PLXDC2: variants seen among roughly 807,000 people sequenced by gnomAD.
PLXDC2 encodes the protein plexin domain-containing protein 2.
A neutral mutation model predicts 68.9 loss-of-function variants in PLXDC2; 40 were observed. That is an observed-to-expected ratio of 0.58 (90% CI 0.45 to 0.76). The LOEUF (loss-of-function observed/expected upper bound fraction) is 0.76. Ranked by LOEUF, PLXDC2 falls within the 30% of genes least tolerant of loss-of-function variation. The pLI, the probability that PLXDC2 is intolerant of heterozygous loss-of-function variation, is 0.00. For synonymous variants in PLXDC2, 243 were observed against 234.2 expected, an observed-to-expected ratio of 1.04 and a Z score of -0.34; for missense variants, 644 against 661.9, an observed-to-expected ratio of 0.97 and a Z score of 0.30.
chr10:19,877,938 G>T (rs1207625374), intron 1 of PLXDC2, among the ~76,000 whole-genome samples: 1 of 152,146 alleles, frequency 6.6e-6, no homozygotes, highest in Non-Finnish European at 1.5e-5. Context: ...AAGTGCCTTG[G>T]TGAGGCTTTA....
intron 1 of PLXDC2, among the ~76,000 whole-genome samples, chr10:19,914,895 C>T (rs1833337714): frequency 6.6e-6 from 1 of 152,148 alleles, no homozygotes; most frequent in Admixed American, 6.5e-5. Flanking sequence ...GGTCTGAAGT[C>T]TACTTTATGT....
intron 4 of PLXDC2, among the ~76,000 whole-genome samples, chr10:20,112,543 G>A (rs544736526): frequency 4.6e-5 from 7 of 152,126 alleles, no homozygotes; most frequent in African/African-American, 1.7e-4. Flanking sequence ...GGCATATTTA[G>A]TGACCTTTTT....
chr10:20,132,399 T>C (rs138995372), intron 4 of PLXDC2, among the ~76,000 whole-genome samples: 5 of 152,218 alleles, frequency 3.3e-5, no homozygotes, highest in Admixed American at 2.6e-4. Context: ...TGTATACTTA[T>C]GGATTGTTTT....
At chr10:20,145,790 T>C (rs1453000739) in intron 5 of PLXDC2, among the ~76,000 whole-genome samples, 3 of 152,104 alleles carry the variant, frequency 2.0e-5, no homozygotes, top group Admixed American at 6.6e-5. Context: ...CCTGACCTCG[T>C]GATCCGCCTG....
intron 1 of PLXDC2, among the ~76,000 whole-genome samples, chr10:19,948,958 T>C (rs1297335090): frequency 6.6e-6 from 1 of 151,680 alleles, no homozygotes; most frequent in Admixed American, 6.6e-5. Context: ...GGTGAAACCC[T>C]GTCTTTACTA....
intron 2 of PLXDC2, among the ~76,000 whole-genome samples, chr10:20,023,887 A>G (rs1835353998): frequency 6.6e-6 from 1 of 152,184 alleles, no homozygotes; most frequent in Non-Finnish European, 1.5e-5. Context: ...GGATTTATTT[A>G]TTCATTCTGG....
intron 1 of PLXDC2, among the ~76,000 whole-genome samples, chr10:19,848,641 A>T (rs1304327066): frequency 6.6e-6 from 1 of 152,240 alleles, no homozygotes; most frequent in Non-Finnish European, 1.5e-5. Flanking sequence ...CATTGTTGTT[A>T]ACTTGAATTT....
At chr10:19,835,479 G>C (rs1200654127) in intron 1 of PLXDC2, among the ~76,000 whole-genome samples, 1 of 152,198 alleles carries the variant, frequency 6.6e-6, no homozygotes, top group African/African-American at 2.4e-5. Flanking sequence ...AGGTGCTCAT[G>C]GGACATACCA....
chr10:20,213,830 A>G (rs1835101358), intron 10 of PLXDC2, among the ~76,000 whole-genome samples: 1 of 151,964 alleles, frequency 6.6e-6, no homozygotes. Context: ...TGATAAATGT[A>G]CTCTTCAGCT....
chr10:20,052,887 CCTT>C (rs897989225), intron 3 of PLXDC2, among the ~76,000 whole-genome samples: 4 of 152,134 alleles, frequency 2.6e-5, no homozygotes, highest in African/African-American at 9.6e-5. Context: ...ACACTTCCCT[CCTT>C]CTTGAAATGG....
chr10:19,932,501 T>C (rs1293089476), intron 1 of PLXDC2, among the ~76,000 whole-genome samples: 1 of 152,232 alleles, frequency 6.6e-6, no homozygotes, highest in Admixed American at 6.5e-5. Flanking sequence ...CCTTCATTTA[T>C]GTTTATTTGT....
intron 1 of PLXDC2, among the ~76,000 whole-genome samples, chr10:19,873,768 G>C (rs555009925): frequency 9.1e-4 from 139 of 152,166 alleles, no homozygotes; most frequent in Non-Finnish European, 1.4e-3. Context: ...TCATTTATTT[G>C]GTATCACAAA....
At chr10:20,023,712 G>C (rs1443501703) in intron 2 of PLXDC2, among the ~76,000 whole-genome samples, 1 of 151,812 alleles carries the variant, frequency 6.6e-6, no homozygotes, top group Non-Finnish European at 1.5e-5. Flanking sequence ...GCACAAAACA[G>C]ACTAAGACAG....
intron 10 of PLXDC2, among the ~76,000 whole-genome samples, chr10:20,213,747 T>C (rs1031973645): frequency 2.6e-5 from 4 of 152,112 alleles, no homozygotes; most frequent in African/African-American, 9.7e-5. Flanking sequence ...AACAAGTACA[T>C]GGGCATTTTG....
At chr10:19,849,858 A>G (rs1837082146) in intron 1 of PLXDC2, among the ~76,000 whole-genome samples, 2 of 152,204 alleles carry the variant, frequency 1.3e-5, no homozygotes, top group African/African-American at 4.8e-5. Context: ...ACTTAGTGGT[A>G]GGAGAAAGTG....
chr10:20,002,071 T>G, intron 2 of PLXDC2, 85 bp downstream of exon 2: 2 of 1,320,980 alleles, frequency 1.5e-6, no homozygotes, highest in South Asian at 2.8e-5. Context: ...ATAAGTTGTC[T>G]CTTCATCTCA....
At chr10:20,009,030 T>C (rs994354244) in intron 2 of PLXDC2, among the ~76,000 whole-genome samples, 18 of 152,222 alleles carry the variant, frequency 1.2e-4, no homozygotes, top group Non-Finnish European at 1.3e-4. Flanking sequence ...AGAGAGTACA[T>C]TGGATTATCC....
intron 2 of PLXDC2, among the ~76,000 whole-genome samples, chr10:20,031,752 A>C (rs998234007): frequency 1.3e-5 from 2 of 152,192 alleles, no homozygotes; most frequent in African/African-American, 4.8e-5. Flanking sequence ...GGTATTAGGC[A>C]AAGTTCTAAT....
chr10:19,928,936 G>T (rs982839994), intron 1 of PLXDC2, among the ~76,000 whole-genome samples: 1 of 151,490 alleles, frequency 6.6e-6, no homozygotes, highest in Admixed American at 6.6e-5. Flanking sequence ...TGTGTTTTTA[G>T]TAGAGATGGA....
Sources: allele counts gnomAD v4.1 joint callset (sites outside exome capture counted in the v4.1 genomes callset), GRCh38; gene constraint gnomAD v4.1.1; transcripts MANE v1.5; gene names NCBI Gene and HGNC (gene_info 2026-07-23, HGNC 2026-07-21).